The following PDE11A variants were observed in gnomAD, a reference collection of about 807,000 sequenced individuals.
PDE11A encodes phosphodiesterase 11A.
PDE11A carries 100 observed loss-of-function variants against 100.5 expected under a neutral mutation model. The observed-to-expected ratio is 1.00, with a 90% CI of 0.85 to 1.18. PDE11A has a LOEUF of 1.18. Among genes scored for constraint, PDE11A ranks in the 50% most tolerant of loss-of-function variants. The pLI is 0.00. For missense variants in PDE11A, 1,141 were observed against 1,152.6 expected (o/e 0.99, Z 0.15); for synonymous variants, 381 against 420.8 (o/e 0.91, Z 1.16).
chr2:177,830,158 A>G (rs993427044), intron 6 of PDE11A, among the ~76,000 whole-genome samples: 1 of 152,128 alleles, frequency 6.6e-6, no homozygotes, highest in African/African-American at 2.4e-5. Context: ...TCTCCCAACA[A>G]TCTGAATGAT....
At chr2:177,823,185 T>A (rs774482074) in intron 6 of PDE11A, among the ~76,000 whole-genome samples, 7 of 152,176 alleles carry the variant, frequency 4.6e-5, no homozygotes, top group Non-Finnish European at 8.8e-5. Flanking sequence ...AAAAAATATT[T>A]ATTTACCACC....
rs577463119 is a variant in PDE11A, at chr2:178,106,817, G to A, written c.-14+1437C>T. On this transcript the variant is annotated intron_variant, in intron 1 of 20. Transcript: ENST00000358450. ...TCTACTAAAAATACAAAAATTAGCCGGGTGTGGTGGTGCATGCCTGTAGTC... is the reference window on the plus strand; with the variant it reads ...TCTACTAAAAATACAAAAATTAGCCAGGTGTGGTGGTGCATGCCTGTAGTC... Among the ~76,000 whole-genome samples, 241 of 151,874 alleles carry A rather than the reference G, an allele frequency of 1.6e-3. 1 individual carries two copies. Among genetic ancestry groups the A allele is most frequent in the African/African-American group, 5.6e-3 (230 of 41,422 alleles).
At chr2:178,084,750 C>CT (rs11370989) in intron 2 of PDE11A, among the ~76,000 whole-genome samples, 29,710 of 142,452 alleles carry the variant, frequency 0.21, 2,987 homozygotes, top group African/African-American at 0.25. Flanking sequence ...TGGTAGACAG[C>CT]TTTTTTTTTT....
intron 2 of PDE11A, chr2:177,998,141 G>A (rs184863719): frequency 9.2e-7 from 1 of 1,082,772 alleles, no homozygotes; most frequent in Non-Finnish European, 1.4e-6. Flanking sequence ...ACAAGTTGCT[G>A]TCTTCCACTT....
chr2:177,879,226 G>A (rs2084291125), intron 4 of PDE11A, among the ~76,000 whole-genome samples: 1 of 152,112 alleles, frequency 6.6e-6, no homozygotes, highest in Non-Finnish European at 1.5e-5. Flanking sequence ...AAGCTCAATG[G>A]TTACAATTGT....
intron 9 of PDE11A, among the ~76,000 whole-genome samples, chr2:177,804,758 A>G (rs2082845130): frequency 6.6e-6 from 1 of 152,014 alleles, no homozygotes. Context: ...ATAAAAAAGA[A>G]TGAAACTATG....
At chr2:177,645,166 A>T (rs939946778) in intron 19 of PDE11A, among the ~76,000 whole-genome samples, 1 of 152,176 alleles carries the variant, frequency 6.6e-6, no homozygotes, top group African/African-American at 2.4e-5. Flanking sequence ...ATAAAGGAGA[A>T]CTAGGTTTCT....
intron 2 of PDE11A, among the ~76,000 whole-genome samples, chr2:177,913,889 T>C (rs952242885): frequency 2.0e-5 from 3 of 152,164 alleles, no homozygotes; most frequent in Admixed American, 6.5e-5. Flanking sequence ...GACAGTTTCC[T>C]AAAAGTGGAA....
chr2:178,087,529 T>C (rs1226384638), intron 2 of PDE11A, among the ~76,000 whole-genome samples: 2 of 152,056 alleles, frequency 1.3e-5, no homozygotes, highest in African/African-American at 2.4e-5. Context: ...AGCTAAATAA[T>C]GTATTCACAT....
intron 5 of PDE11A, among the ~76,000 whole-genome samples, chr2:177,852,396 T>TC (rs2083729287): frequency 6.6e-6 from 1 of 151,660 alleles, no homozygotes; most frequent in Non-Finnish European, 1.5e-5. Context: ...ATATTGATTT[T>TC]TGATCTATAT....
At chr2:178,000,852 C>A (rs568693940) in intron 2 of PDE11A, among the ~76,000 whole-genome samples, 1 of 152,108 alleles carries the variant, frequency 6.6e-6, no homozygotes. Context: ...AAGTATTAAA[C>A]CTCAGTTTAT....
intron 9 of PDE11A, among the ~76,000 whole-genome samples, chr2:177,803,641 G>A (rs753446606): frequency 1.3e-4 from 19 of 151,954 alleles, no homozygotes; most frequent in Non-Finnish European, 2.5e-4. Flanking sequence ...TGTGAGAATA[G>A]TTCAACATAT....
intron 1 of PDE11A, among the ~76,000 whole-genome samples, chr2:178,032,701 G>A (rs980953710): frequency 2.6e-5 from 4 of 152,128 alleles, no homozygotes; most frequent in Non-Finnish European, 4.4e-5. Context: ...CCAGAGGAAG[G>A]AGCAGGCAGC....
chr2:178,010,144 G>T (rs2086259024), intron 2 of PDE11A, among the ~76,000 whole-genome samples: 1 of 152,148 alleles, frequency 6.6e-6, no homozygotes. Flanking sequence ...AGGTTCTGAG[G>T]CTAGAAAGAT....
intron 2 of PDE11A, among the ~76,000 whole-genome samples, chr2:177,984,228 A>G (rs754267881): frequency 1.3e-5 from 2 of 152,222 alleles, no homozygotes; most frequent in Non-Finnish European, 2.9e-5. Flanking sequence ...CTAAGGAAAG[A>G]GCTAAAAGTG....
intron 10 of PDE11A, among the ~76,000 whole-genome samples, chr2:177,734,876 C>T (rs1322691093): frequency 6.6e-6 from 1 of 152,182 alleles, no homozygotes; most frequent in Admixed American, 6.5e-5. Context: ...ATAGCAGCCC[C>T]ATAGAAGGAT....
chr2:177,891,301 T>C (rs1173907422), intron 4 of PDE11A, among the ~76,000 whole-genome samples: 1 of 152,138 alleles, frequency 6.6e-6, no homozygotes. Context: ...AGACTCCATC[T>C]CCAAATATAT....
At chr2:177,847,281 T>A (rs2083616572) in intron 5 of PDE11A, among the ~76,000 whole-genome samples, 2 of 152,214 alleles carry the variant, frequency 1.3e-5, no homozygotes, top group African/African-American at 2.4e-5. Context: ...GAGTGATAGT[T>A]CCCAATAGGT....
intron 12 of PDE11A, among the ~76,000 whole-genome samples, chr2:177,715,487 A>G (rs2081423802): frequency 6.6e-6 from 1 of 151,396 alleles, no homozygotes; most frequent in Non-Finnish European, 1.5e-5. Flanking sequence ...TTTTTAAAAT[A>G]ATTTTCTCTT....
Sources: allele counts gnomAD v4.1 joint callset (sites outside exome capture counted in the v4.1 genomes callset), GRCh38; gene constraint gnomAD v4.1.1; transcripts MANE v1.5; gene names NCBI Gene and HGNC (gene_info 2026-07-23, HGNC 2026-07-21).